Variants in CTSO observed in about 807,000 individuals in gnomAD.
The protein encoded by CTSO is cathepsin O.
Under a neutral mutation model 42.4 loss-of-function variants are expected in CTSO, and 40 were observed. The ratio of observed to expected loss-of-function variants is 0.94; its 90% CI spans 0.73 to 1.23. The LOEUF (loss-of-function observed/expected upper bound fraction) is 1.23, where lower values mean the gene tolerates loss of function less well. Among genes scored for constraint, CTSO ranks in the 50% most tolerant of loss-of-function variants. CTSO has a pLI of 0.00. For missense variants in CTSO, 441 were observed against 396.0 expected, an observed-to-expected ratio of 1.11 and a Z score of -0.96; for synonymous variants, 156 against 146.2, an observed-to-expected ratio of 1.07 and a Z score of -0.48.
chr4:155,944,425 G>A lies in CTSO; in HGVS notation c.136-1161C>T, dbSNP rs76332790. ...ATGTAAAAATAGAACTAGAATACAA[G>A]GTAATTCTGTATATGGCAAATGACA... On this transcript the variant is annotated intron_variant, in intron 1 of 7. Transcript: ENST00000433477. Among the ~76,000 whole-genome samples, 1,307 of 152,236 alleles carry A rather than the reference G, an allele frequency of 8.6e-3. 19 individuals are homozygous for A. Among genetic ancestry groups the A allele is most frequent in the African/African-American group, 0.03 (1,246 of 41,524 alleles).
Position 155,928,355 on chromosome 4 carries a change from T to A in CTSO, c.912A>T (p.Lys304Asn). The A allele has an allele frequency of 6.2e-7, 1 of 1,611,966 alleles. No homozygotes were observed. Among genetic ancestry groups the A allele is most frequent in the East Asian group, 2.2e-5 (1 of 44,760 alleles). The change falls in exon 7 of 8, where the codon AAA becomes AAT. Residue 304 changes from lysine to asparagine, a missense_variant. By Grantham distance (94) the Lys-to-Asn change is moderately conservative. Transcript: ENST00000433477. ...ACTTACCACAAACATTACTTCCCAT[T>A]TTGACATGGGCATAACCATCTACTC... ...SWGVDGYAHV[K>N]MGSNVCGIAD...
Position 155,925,352 on chromosome 4 carries a change from T to C in CTSO, c.*684A>G, listed in dbSNP as rs1243896568. 1 of 152,196 alleles carries C rather than the reference T, an allele frequency of 6.6e-6. No homozygotes were observed. Among genetic ancestry groups the C allele is most frequent in the Admixed American group, 6.5e-5 (1 of 15,270 alleles). 9.4% of individuals were successfully genotyped at this position (152,196 alleles called of 1,614,324 possible). A position where few individuals can be genotyped will look rare whatever the true frequency, so the allele number is the denominator to read the frequency against. ...CACAATGAAAATTATCAAACAATAATTTGTCTCTCAGGCAATGCTACTAGA... is the reference window on the plus strand; with the variant it reads ...CACAATGAAAATTATCAAACAATAACTTGTCTCTCAGGCAATGCTACTAGA... On this transcript the variant is annotated 3_prime_UTR_variant, in exon 8 of 8. Coordinates refer to ENST00000433477, the MANE Select transcript of CTSO (RefSeq NM_001334.3).
chr4:155,929,841 G>T, intron 5 of CTSO, 136 bp from the exon 6 acceptor site: 1 of 718,430 alleles, frequency 1.4e-6, no homozygotes, highest in Non-Finnish European at 2.2e-6. Context: ...AGCTAAGTCT[G>T]AGAGACTGGT....
At chr4:155,945,189 G>A (rs555305086) in intron 1 of CTSO, among the ~76,000 whole-genome samples, 12 of 151,962 alleles carry the variant, frequency 7.9e-5, no homozygotes, top group South Asian at 2.1e-4. Flanking sequence ...CCTGGAAGGC[G>A]GAGGTTGCAG....
chr4:155,927,232 CTATT>C (rs1448435025), intron 7 of CTSO, among the ~76,000 whole-genome samples: 2 of 152,094 alleles, frequency 1.3e-5, no homozygotes, highest in Admixed American at 6.5e-5. Flanking sequence ...TTTTCTGTAA[CTATT>C]TAATCAGTCT....
chr4:155,933,958 G>T (rs1743283410), intron 5 of CTSO, among the ~76,000 whole-genome samples: 1 of 152,184 alleles, frequency 6.6e-6, no homozygotes, highest in Admixed American at 6.5e-5. Flanking sequence ...AGGAGACATT[G>T]AAGCCAGCTG....
chr4:155,953,760 TGAAGGGGGCGCGGGA>T lies in CTSO; in HGVS notation c.73_87del (p.Ser25_Phe29del). 1 of 1,317,136 alleles carries T rather than the reference TGAAGGGGGCGCGGGA, an allele frequency of 7.6e-7. No individual in the cohort carries two copies. Among genetic ancestry groups the T allele is most frequent in the Middle Eastern group, 2.4e-4 (1 of 4,142 alleles). The allele number at this position is 1,317,136 out of a possible 1,614,324, so 81.6% of individuals were successfully genotyped here. On this transcript the variant is annotated inframe_deletion, in exon 1 of 8. Coordinates refer to ENST00000433477, the MANE Select transcript of CTSO (RefSeq NM_001334.3). ...TCGCGGCTCCGCGGCCAGGTCGGGG[TGAAGGGGGCGCGGGA>T]GTCCGCATCGCCGCCGCCCCGGCAC...
chr4:155,929,056 A>T (rs1010358464), intron 6 of CTSO, among the ~76,000 whole-genome samples: 1 of 152,228 alleles, frequency 6.6e-6, no homozygotes, highest in Non-Finnish European at 1.5e-5. Flanking sequence ...AACTGCTTAA[A>T]GGCGTTCTTA....
At chr4:155,946,975 C>T (rs749758212) in intron 1 of CTSO, among the ~76,000 whole-genome samples, 34 of 152,280 alleles carry the variant, frequency 2.2e-4, no homozygotes, top group Non-Finnish European at 4.6e-4. Flanking sequence ...CCTGCCTCAG[C>T]CTCCCGAGTA....
intron 1 of CTSO, among the ~76,000 whole-genome samples, chr4:155,948,821 T>C (rs1335776962): frequency 6.6e-6 from 1 of 152,094 alleles, no homozygotes; most frequent in African/African-American, 2.4e-5. Flanking sequence ...AAGAGGAAAA[T>C]GGTCATGTTC....
At chr4:155,950,543 T>G (rs919380545) in intron 1 of CTSO, among the ~76,000 whole-genome samples, 3 of 152,118 alleles carry the variant, frequency 2.0e-5, no homozygotes, top group African/African-American at 7.2e-5. Context: ...AACATCAAAT[T>G]CGTGTTTTCA....
chr4:155,945,858 A>G (rs148886772), intron 1 of CTSO, among the ~76,000 whole-genome samples: 2 of 152,280 alleles, frequency 1.3e-5, no homozygotes, highest in Admixed American at 6.5e-5. Context: ...TTCAAAATCA[A>G]TCATCAGTAC....
chr4:155,942,154 ACT>A (rs1385931951), intron 3 of CTSO, among the ~76,000 whole-genome samples, 161 bp downstream of exon 3: 2 of 152,086 alleles, frequency 1.3e-5, no homozygotes, highest in African/African-American at 4.8e-5. Flanking sequence ...TTGACATTTG[ACT>A]CTCATTCCTC....
chr4:155,933,954 C>T (rs904402093), intron 5 of CTSO, among the ~76,000 whole-genome samples: 4 of 152,154 alleles, frequency 2.6e-5, no homozygotes, highest in African/African-American at 9.7e-5. Context: ...TTTGAGGAGA[C>T]ATTGAAGCCA....
intron 7 of CTSO, among the ~76,000 whole-genome samples, chr4:155,927,775 A>C (rs139434875): frequency 7.9e-4 from 115 of 145,510 alleles, no homozygotes; most frequent in African/African-American, 2.7e-3. Context: ...ACTCTATCTC[A>C]AAAAAAAAAA....
intron 4 of CTSO, among the ~76,000 whole-genome samples, chr4:155,938,180 T>C (rs9307938): frequency 0.8 from 121,971 of 152,026 alleles, 50,324 homozygotes; most frequent in Non-Finnish European, 0.9. Flanking sequence ...AACGGTTAGG[T>C]CAAGCATTCT....
At chr4:155,932,988 G>C (rs1388159857) in intron 5 of CTSO, among the ~76,000 whole-genome samples, 1 of 152,062 alleles carries the variant, frequency 6.6e-6, no homozygotes, top group Non-Finnish European at 1.5e-5. Context: ...ACTGTGTAGG[G>C]CTTTACCCTC....
chr4:155,947,996 A>G (rs1308235698), intron 1 of CTSO, among the ~76,000 whole-genome samples: 10 of 152,218 alleles, frequency 6.6e-5, no homozygotes, highest in Non-Finnish European at 4.4e-5. Flanking sequence ...ATCTTACATG[A>G]GAAAAATTAG....
chr4:155,925,840 T>C lies in CTSO; in HGVS notation c.*196A>G, dbSNP rs1338710914. 2 of 563,522 alleles carry C rather than the reference T, an allele frequency of 3.5e-6. No individual in the cohort carries two copies. The highest frequency in any genetic ancestry group is 4.0e-5 in the African/African-American group (2 of 50,594). 34.9% of individuals were successfully genotyped at this position (563,522 alleles called of 1,614,324 possible). A position where few individuals can be genotyped will look rare whatever the true frequency, so the allele number is the denominator to read the frequency against. On this transcript the variant is annotated 3_prime_UTR_variant, in exon 8 of 8. Coordinates refer to ENST00000433477, the MANE Select transcript of CTSO (RefSeq NM_001334.3). The stretch of plus-strand genomic sequence containing the variant: ...TCCTCGCAGGCTTCTGTGCTGGAGT[T>C]TGTCCCACTGACTTTGGTTGTCCAT...
Sources: allele counts gnomAD v4.1 joint callset (sites outside exome capture counted in the v4.1 genomes callset), GRCh38; gene constraint gnomAD v4.1.1; transcripts MANE v1.5; gene names NCBI Gene and HGNC (gene_info 2026-07-23, HGNC 2026-07-21).